Variants in RIC8B observed in about 807,000 individuals in gnomAD.
The protein encoded by RIC8B is chaperone Ric-8B.
RIC8B carries 16 observed loss-of-function variants against 57.5 expected under a neutral mutation model. The ratio of observed to expected loss-of-function variants is 0.28; its 90% confidence interval spans 0.19 to 0.42. RIC8B has a LOEUF of 0.42. Among genes scored for constraint, RIC8B ranks in the 10% least tolerant of loss-of-function variants. The pLI, the probability that RIC8B is intolerant of heterozygous loss-of-function variation, is 1.00. For synonymous variants in RIC8B, 216 were observed against 250.8 expected (o/e 0.86, Z 1.31); for missense variants, 481 against 677.0 (o/e 0.71, Z 3.21).
intron 1 of RIC8B, among the ~76,000 whole-genome samples, chr12:106,777,675 A>T (rs539964658): frequency 6.6e-6 from 1 of 152,148 alleles, no homozygotes; most frequent in African/African-American, 2.4e-5. Flanking sequence ...TCAAATCCCA[A>T]CTCTGCCATT....
chr12:106,862,241 G>C (rs1949973534), intron 8 of RIC8B, among the ~76,000 whole-genome samples: 1 of 151,972 alleles, frequency 6.6e-6, no homozygotes, highest in Non-Finnish European at 1.5e-5. Flanking sequence ...GTGAAATTTT[G>C]TTGTATTTCT....
chr12:106,783,957 T>G, intron 1 of RIC8B, 40 bp from the exon 2 acceptor site: 1 of 1,592,374 alleles, frequency 6.3e-7, no homozygotes, highest in East Asian at 2.2e-5. Context: ...AAAAAATACA[T>G]GTATTTAAAA....
chr12:106,873,254 G>A (rs1950524324), intron 9 of RIC8B: 2 of 930,306 alleles, frequency 2.1e-6, no homozygotes, highest in African/African-American at 3.6e-5. Context: ...TGCCATTAAA[G>A]TTGAAGCAAA....
chr12:106,808,914 T>TA (rs1392577915), intron 2 of RIC8B, among the ~76,000 whole-genome samples: 1 of 152,212 alleles, frequency 6.6e-6, no homozygotes, highest in Non-Finnish European at 1.5e-5. Context: ...AATGCCCACA[T>TA]ATGCTTCATA....
At chr12:106,792,318 C>G (rs1332921540) in intron 2 of RIC8B, among the ~76,000 whole-genome samples, 6 of 152,112 alleles carry the variant, frequency 3.9e-5, no homozygotes, top group African/African-American at 1.2e-4. Flanking sequence ...AGGAGTAAAT[C>G]TAGAAAGCAA....
At chr12:106,877,600 A>G (rs1950726023) in intron 9 of RIC8B, among the ~76,000 whole-genome samples, 1 of 152,190 alleles carries the variant, frequency 6.6e-6, no homozygotes, top group Non-Finnish European at 1.5e-5. Context: ...CTATGATTCT[A>G]TGTTAATACA....
At chr12:106,794,176 C>A (rs747830718) in intron 2 of RIC8B, among the ~76,000 whole-genome samples, 4 of 152,210 alleles carry the variant, frequency 2.6e-5, no homozygotes, top group Non-Finnish European at 4.4e-5. Flanking sequence ...AATAAAAATT[C>A]ACTGAAGGGG....
rs749803733 is a variant in RIC8B at position 106,842,833 on chromosome 12, T to C, written c.1065+16T>C. On this transcript the variant is annotated intron_variant, in intron 5 of 9. Transcript: ENST00000392837. The stretch of plus-strand genomic sequence containing the variant: ...AATAGACAAGGTAAGGCTGATAAAA[T>C]GGAAGCCCTGGGAAGATGCTTCCAA... The C allele has an allele frequency of 6.7e-7, 1 of 1,500,208 alleles. No homozygotes were observed. The highest frequency in any genetic ancestry group is 1.1e-5 in the South Asian group (1 of 87,846). The allele number at this position is 1,500,208 out of a possible 1,614,324, so 92.9% of individuals were successfully genotyped here. A position where few individuals can be genotyped will look rare whatever the true frequency, so the allele number is the denominator to read the frequency against.
chr12:106,810,871 A>G (rs372043501), intron 2 of RIC8B, among the ~76,000 whole-genome samples: 52 of 152,332 alleles, frequency 3.4e-4, no homozygotes, highest in African/African-American at 1.0e-3. Context: ...TTGTACATGC[A>G]CGATCTCATT....
At chr12:106,790,804 T>G (rs1014752442) in intron 2 of RIC8B, among the ~76,000 whole-genome samples, 6 of 152,210 alleles carry the variant, frequency 3.9e-5, no homozygotes, top group African/African-American at 1.4e-4. Context: ...TTGTCTGAGA[T>G]AAATCTTTGT....
At chr12:106,854,900 ATC>A (rs1949651582) in intron 7 of RIC8B, among the ~76,000 whole-genome samples, 1 of 152,214 alleles carries the variant, frequency 6.6e-6, no homozygotes, top group Non-Finnish European at 1.5e-5. Flanking sequence ...GCCCAACGGT[ATC>A]TCCAGCACAT....
chr12:106,834,827 C>T (rs1303457417), intron 4 of RIC8B, among the ~76,000 whole-genome samples: 3 of 151,262 alleles, frequency 2.0e-5, no homozygotes, highest in African/African-American at 4.9e-5. Flanking sequence ...ATTAAAAATA[C>T]AAAAAAATCA....
chr12:106,812,291 G>A (rs1471422086), intron 2 of RIC8B, among the ~76,000 whole-genome samples: 1 of 152,048 alleles, frequency 6.6e-6, no homozygotes, highest in Non-Finnish European at 1.5e-5. Context: ...TATAAATTTT[G>A]TAGGCACCTT....
In RIC8B at chr12:106,842,823, G is replaced by C; in HGVS notation, c.1065+6G>C. On this transcript the variant is annotated splice_donor_region_variant and intron_variant, in intron 5 of 9. Coordinates refer to ENST00000392837, the MANE Select transcript of RIC8B (RefSeq NM_001330145.2). ...TGGAGAAGAGAATAGACAAGGTAAG[G>C]CTGATAAAATGGAAGCCCTGGGAAG... The C allele has an allele frequency of 1.9e-6, 3 of 1,576,444 alleles. No individual in the cohort carries two copies. Among genetic ancestry groups the C allele is most frequent in the Non-Finnish European group, 2.6e-6 (3 of 1,147,294 alleles).
chr12:106,836,645 CT>C (rs1374157545), intron 4 of RIC8B, among the ~76,000 whole-genome samples: 1 of 152,170 alleles, frequency 6.6e-6, no homozygotes, highest in Non-Finnish European at 1.5e-5. Context: ...GTGCACTCAC[CT>C]GAATTATTGC....
intron 1 of RIC8B, among the ~76,000 whole-genome samples, chr12:106,778,562 T>A (rs2043597386): frequency 6.6e-6 from 1 of 152,216 alleles, no homozygotes; most frequent in Non-Finnish European, 1.5e-5. Context: ...GTATGTCATC[T>A]TATATTAATT....
At chr12:106,874,564 T>C in intron 9 of RIC8B, 3 of 1,549,782 alleles carry the variant, frequency 1.9e-6, no homozygotes, top group Non-Finnish European at 2.6e-6. Flanking sequence ...TGATGATGAC[T>C]AAGGTTGGTC....
At chr12:106,847,202 G>T (rs941247587) in intron 6 of RIC8B, among the ~76,000 whole-genome samples, 1 of 152,086 alleles carries the variant, frequency 6.6e-6, no homozygotes, top group African/African-American at 2.4e-5. Flanking sequence ...AAAGAAACTG[G>T]ACAAGATTTG....
At chr12:106,808,986 A>T (rs1251159752) in intron 2 of RIC8B, among the ~76,000 whole-genome samples, 1 of 152,174 alleles carries the variant, frequency 6.6e-6, no homozygotes, top group Non-Finnish European at 1.5e-5. Context: ...CAGAGTGAAA[A>T]AAAAGCCTAC....
Sources: gnomAD v4.1 joint callset for allele counts (sites outside exome capture counted in the v4.1 genomes callset) on GRCh38, gnomAD v4.1.1 for gene constraint, MANE v1.5 for transcripts, NCBI Gene and HGNC (gene_info 2026-07-23, HGNC 2026-07-21) for gene names.